MAPKAP1: variants seen among roughly 807,000 people sequenced by gnomAD.
The protein encoded by MAPKAP1 is target of rapamycin complex 2 subunit MAPKAP1.
In MAPKAP1, 20 loss-of-function variants were observed where a neutral mutation model predicts 65.7. That is an observed-to-expected ratio of 0.30 (90% CI 0.21 to 0.44). The LOEUF (loss-of-function observed/expected upper bound fraction) is 0.44, where lower values mean the gene tolerates loss of function less well. Among genes scored for constraint, MAPKAP1 ranks in the 20% least tolerant of loss-of-function variants. The pLI is 1.00. For missense variants in MAPKAP1, 423 were observed against 648.0 expected, an observed-to-expected ratio of 0.65 and a Z score of 3.77; for synonymous variants, 222 against 244.3, an observed-to-expected ratio of 0.91 and a Z score of 0.85.
intron 3 of MAPKAP1, among the ~76,000 whole-genome samples, chr9:125,668,461 C>T (rs1225366833): frequency 1.3e-5 from 2 of 152,066 alleles, no homozygotes; most frequent in African/African-American, 4.8e-5. Context: ...AACAATGGAG[C>T]CAATCCACAA....
intron 1 of MAPKAP1, among the ~76,000 whole-genome samples, chr9:125,685,660 T>C (rs1475345825): frequency 6.6e-6 from 1 of 152,264 alleles, no homozygotes; most frequent in Non-Finnish European, 1.5e-5. Flanking sequence ...GGCATTTCTT[T>C]TTAAATAATA....
chr9:125,580,075 TA>T (rs1321224891), intron 5 of MAPKAP1, among the ~76,000 whole-genome samples: 11 of 152,244 alleles, frequency 7.2e-5, no homozygotes, highest in African/African-American at 2.7e-4. Flanking sequence ...GAAATGCTTT[TA>T]CACTGTTGAT....
At chr9:125,690,072 G>C (rs1381089078) in intron 1 of MAPKAP1, among the ~76,000 whole-genome samples, 2 of 152,182 alleles carry the variant, frequency 1.3e-5, no homozygotes, top group African/African-American at 4.8e-5. Flanking sequence ...TGGGCTACAA[G>C]AGCAAAAGTC....
chr9:125,506,490 T>C (rs1328971364), intron 7 of MAPKAP1, 73 bp from the exon 8 acceptor site: 6 of 1,214,330 alleles, frequency 4.9e-6, no homozygotes, highest in Non-Finnish European at 7.3e-6. Context: ...AAACACCACA[T>C]ACTGGTGAAA....
intron 10 of MAPKAP1, among the ~76,000 whole-genome samples, chr9:125,463,035 C>T (rs558505783): frequency 1.3e-5 from 2 of 152,338 alleles, no homozygotes; most frequent in South Asian, 2.1e-4. Context: ...AATATCTCCT[C>T]GGTAGAAGTC....
intron 1 of MAPKAP1, among the ~76,000 whole-genome samples, chr9:125,694,720 A>G (rs1038217178): frequency 6.6e-5 from 10 of 152,212 alleles, no homozygotes; most frequent in Admixed American, 5.9e-4. Flanking sequence ...CAGTACTGCA[A>G]AGACTGTGGG....
At chr9:125,589,769 C>T (rs1831898126) in intron 4 of MAPKAP1, among the ~76,000 whole-genome samples, 1 of 151,842 alleles carries the variant, frequency 6.6e-6, no homozygotes, top group Non-Finnish European at 1.5e-5. Flanking sequence ...CTGTATGTTA[C>T]AAAGCAACTA....
At chr9:125,533,074 CATG>C (rs1290141962) in intron 7 of MAPKAP1, among the ~76,000 whole-genome samples, 12 of 152,126 alleles carry the variant, frequency 7.9e-5, no homozygotes, top group African/African-American at 2.9e-4. Context: ...CATTTCTCTA[CATG>C]ATGGGGTGTG....
At chr9:125,691,091 C>A (rs534507068) in intron 1 of MAPKAP1, among the ~76,000 whole-genome samples, 1 of 152,260 alleles carries the variant, frequency 6.6e-6, no homozygotes, top group South Asian at 2.1e-4. Flanking sequence ...GAAACCCCGT[C>A]TCTACTAAAA....
At chr9:125,569,031 G>C (rs1460263357) in intron 5 of MAPKAP1, among the ~76,000 whole-genome samples, 1 of 152,166 alleles carries the variant, frequency 6.6e-6, no homozygotes, top group Non-Finnish European at 1.5e-5. Context: ...GTTCTGTGTC[G>C]AGGGGTACTT....
At chr9:125,507,527 A>G (rs1829177112) in intron 7 of MAPKAP1, among the ~76,000 whole-genome samples, 1 of 152,150 alleles carries the variant, frequency 6.6e-6, no homozygotes, top group Non-Finnish European at 1.5e-5. Flanking sequence ...AGCATGAGGC[A>G]TTTCACTCAT....
chr9:125,644,256 G>A (rs529773533), intron 4 of MAPKAP1, among the ~76,000 whole-genome samples: 86 of 152,094 alleles, frequency 5.7e-4, no homozygotes, highest in African/African-American at 1.8e-3. Flanking sequence ...GACAACCTAC[G>A]TTAGCCCATT....
Position 125,508,716 on chromosome 9 carries a change from G to C in MAPKAP1, c.959-2299C>G, listed in dbSNP as rs113550049. Among the ~76,000 whole-genome samples the C allele has an allele frequency of 9.6e-3, 1,454 of 152,142 alleles. 31 individuals carry two copies. Among genetic ancestry groups the C allele is most frequent in the African/African-American group, 0.033 (1,363 of 41,484 alleles). On this transcript the variant is annotated intron_variant, in intron 7 of 11. Coordinates refer to ENST00000265960, the MANE Select transcript of MAPKAP1 (RefSeq NM_001006617.3). ...AAAAATTTTTTTAAATTAGCTGGGT[G>C]TGGTGGTGCATGCCTGTAGTCCCAG...
intron 5 of MAPKAP1, among the ~76,000 whole-genome samples, chr9:125,577,179 C>A (rs1030140770): frequency 6.1e-5 from 9 of 147,178 alleles, no homozygotes; most frequent in Non-Finnish European, 1.2e-4. Flanking sequence ...CCGCCCCGTC[C>A]GGGATGTGAG....
intron 4 of MAPKAP1, among the ~76,000 whole-genome samples, chr9:125,617,300 AT>A (rs907851057): frequency 3.3e-5 from 5 of 151,834 alleles, no homozygotes; most frequent in East Asian, 1.9e-4. Flanking sequence ...TTGCTACAAA[AT>A]TTTTTTTTAA....
At chr9:125,589,788 AT>A (rs145178829) in intron 4 of MAPKAP1, among the ~76,000 whole-genome samples, 4,007 of 152,252 alleles carry the variant, frequency 0.026, 177 homozygotes, top group African/African-American at 0.092. Flanking sequence ...TACCAAAAAA[AT>A]AATTCTCCTA....
At position 125,686,237 on chromosome 9, in the gene MAPKAP1, G is replaced by A. The variant is rs573854791; in HGVS notation, c.-69-13594C>T. Among the ~76,000 whole-genome samples the A allele has an allele frequency of 4.6e-3, 698 of 151,452 alleles. 3 individuals are homozygous for A. The highest frequency in any genetic ancestry group is 0.017 in the Middle Eastern group (5 of 294). On this transcript the variant is annotated intron_variant, in intron 1 of 11. Transcript: ENST00000265960. The stretch of plus-strand genomic sequence containing the variant: ...TGAGGCGGGAGAACGGCATGAACCC[G>A]GGAGGCGGAGCTTGCAGTGGACCGA...
At chr9:125,445,741 T>G (rs953998486) in intron 10 of MAPKAP1, among the ~76,000 whole-genome samples, 3 of 152,284 alleles carry the variant, frequency 2.0e-5, no homozygotes, top group African/African-American at 7.2e-5. Flanking sequence ...CCATGGGGGC[T>G]GCCCCGGCCT....
At chr9:125,499,434 G>A (rs994131087) in intron 8 of MAPKAP1, among the ~76,000 whole-genome samples, 8 of 152,234 alleles carry the variant, frequency 5.3e-5, no homozygotes, top group East Asian at 3.9e-4. Context: ...ATTTTACAAA[G>A]ACTAGTTATG....
Sources: allele counts gnomAD v4.1 joint callset (sites outside exome capture counted in the v4.1 genomes callset), GRCh38; gene constraint gnomAD v4.1.1; transcripts MANE v1.5; gene names NCBI Gene and HGNC (gene_info 2026-07-23, HGNC 2026-07-21).